GRIN2A: variants seen among roughly 807,000 people sequenced by gnomAD.
GRIN2A encodes glutamate receptor ionotropic, NMDA 2A.
In GRIN2A, 22 loss-of-function variants were observed where a neutral mutation model predicts 113.4. That is an observed-to-expected ratio of 0.19 (90% CI 0.14 to 0.28). The LOEUF (loss-of-function observed/expected upper bound fraction) is 0.28, where lower values mean the gene tolerates loss of function less well. GRIN2A is among the 10% of genes least tolerant of loss of function. GRIN2A has a pLI of 1.00. For missense variants in GRIN2A, 1,502 were observed against 1,887.0 expected (o/e 0.80, Z 3.78); for synonymous variants, 827 against 738.4 (o/e 1.12, Z -1.94).
At chr16:10,116,168 A>G (rs781128739) in intron 2 of GRIN2A, among the ~76,000 whole-genome samples, 1 of 152,226 alleles carries the variant, frequency 6.6e-6, no homozygotes, top group Non-Finnish European at 1.5e-5. Context: ...CGTCCTTTGC[A>G]GGGACATGGA....
chr16:10,015,777 C>T lies in GRIN2A; in HGVS notation c.415-77226G>A, dbSNP rs79305512. ...GGGAGGTGCAACAACTCAGCCCCTG[C>T]AATGAGGCAATTCACCATCAGTGTG... is the stretch of plus-strand genomic sequence containing the variant. On this transcript the variant is annotated intron_variant, in intron 2 of 12. Transcript: ENST00000330684. Among the ~76,000 whole-genome samples, 1,050 of 152,238 alleles carry T rather than the reference C, an allele frequency of 6.9e-3. 12 individuals are homozygous for T. Among genetic ancestry groups the T allele is most frequent in the African/African-American group, 0.024 (990 of 41,548 alleles).
At chr16:9,825,707 A>G (rs964816541) in intron 9 of GRIN2A, among the ~76,000 whole-genome samples, 6 of 152,176 alleles carry the variant, frequency 3.9e-5, no homozygotes, top group Non-Finnish European at 8.8e-5. Context: ...TGATGTGAGC[A>G]GCAAGCAGGT....
intron 2 of GRIN2A, among the ~76,000 whole-genome samples, chr16:9,949,776 A>G (rs2045131171): frequency 6.6e-6 from 1 of 151,984 alleles, no homozygotes; most frequent in African/African-American, 2.4e-5. Flanking sequence ...TGGACAGATG[A>G]ACAGATGGAC....
chr16:10,125,593 G>A (rs146457247), intron 2 of GRIN2A, among the ~76,000 whole-genome samples: 1 of 150,490 alleles, frequency 6.6e-6, no homozygotes, highest in Non-Finnish European at 1.5e-5. Context: ...CAAAGCAATG[G>A]AGCTAAGGCA....
At chr16:10,147,426 A>G (rs974479640) in intron 2 of GRIN2A, among the ~76,000 whole-genome samples, 3 of 139,726 alleles carry the variant, frequency 2.1e-5, no homozygotes, top group African/African-American at 8.0e-5. Context: ...CTTGGGCAAC[A>G]TGGTGAAACA....
intron 4 of GRIN2A, among the ~76,000 whole-genome samples, chr16:9,865,424 T>A (rs544001684): frequency 6.6e-6 from 1 of 152,110 alleles, no homozygotes; most frequent in Admixed American, 6.5e-5. Flanking sequence ...TCAGCATTGC[T>A]TTTCCCACTG....
chr16:10,001,803 C>G (rs1028785848), intron 2 of GRIN2A, among the ~76,000 whole-genome samples: 2 of 152,120 alleles, frequency 1.3e-5, no homozygotes, highest in Non-Finnish European at 2.9e-5. Flanking sequence ...GAAATTATGG[C>G]AGTTACCATA....
intron 2 of GRIN2A, among the ~76,000 whole-genome samples, chr16:10,158,357 A>G (rs1433928528): frequency 6.6e-6 from 1 of 152,146 alleles, no homozygotes; most frequent in African/African-American, 2.4e-5. Context: ...GAGTAGGGGG[A>G]TATCTATCCT....
At chr16:9,888,034 G>A (rs1382382193) in intron 4 of GRIN2A, among the ~76,000 whole-genome samples, 1 of 152,160 alleles carries the variant, frequency 6.6e-6, no homozygotes, top group South Asian at 2.1e-4. Flanking sequence ...TCCACCTCCC[G>A]GATTCAAGTG....
At chr16:9,897,535 T>C (rs1054898523) in intron 3 of GRIN2A, among the ~76,000 whole-genome samples, 2 of 152,198 alleles carry the variant, frequency 1.3e-5, no homozygotes, top group Admixed American at 6.6e-5. Flanking sequence ...TTAGTCTGAA[T>C]TGAAATGTGC....
chr16:10,115,829 T>C (rs1372307366), intron 2 of GRIN2A, among the ~76,000 whole-genome samples: 3 of 152,138 alleles, frequency 2.0e-5, no homozygotes, highest in East Asian at 1.9e-4. Flanking sequence ...TTTTTTTTTG[T>C]TTTAAGAATG....
intron 11 of GRIN2A, among the ~76,000 whole-genome samples, chr16:9,786,582 T>G (rs1220996706): frequency 6.6e-6 from 1 of 152,138 alleles, no homozygotes; most frequent in African/African-American, 2.4e-5. Context: ...CTACCTGTGT[T>G]TAAATCACAG....
intron 2 of GRIN2A, among the ~76,000 whole-genome samples, chr16:10,024,548 G>C (rs1354520969): frequency 6.6e-6 from 1 of 152,228 alleles, no homozygotes; most frequent in Admixed American, 6.5e-5. Flanking sequence ...GCAAAACTAT[G>C]TTTCAGTCTC....
chr16:10,092,014 A>C (rs1331468027), intron 2 of GRIN2A, among the ~76,000 whole-genome samples: 2 of 152,216 alleles, frequency 1.3e-5, no homozygotes, highest in Non-Finnish European at 2.9e-5. Context: ...TTTTATGATA[A>C]GTAAATTATA....
chr16:9,815,154 G>A (rs904531134), intron 10 of GRIN2A, among the ~76,000 whole-genome samples: 1 of 151,994 alleles, frequency 6.6e-6, no homozygotes, highest in Non-Finnish European at 1.5e-5. Flanking sequence ...ACACATACAC[G>A]GAGATGGGAC....
intron 2 of GRIN2A, among the ~76,000 whole-genome samples, chr16:9,962,098 T>C (rs529076150): frequency 6.6e-6 from 1 of 152,264 alleles, no homozygotes; most frequent in South Asian, 2.1e-4. Flanking sequence ...TTACACCTTA[T>C]ACAAAAATTA....
chr16:10,076,954 G>A (rs2047884249), intron 2 of GRIN2A, among the ~76,000 whole-genome samples: 1 of 152,178 alleles, frequency 6.6e-6, no homozygotes, highest in South Asian at 2.1e-4. Context: ...TCTTCAGAGG[G>A]GAATTTATCC....
intron 10 of GRIN2A, among the ~76,000 whole-genome samples, chr16:9,821,463 G>A (rs185940678): frequency 1.8e-3 from 274 of 152,180 alleles, no homozygotes; most frequent in African/African-American, 5.9e-3. Context: ...TAGGACAGAC[G>A]TCTCCATTGT....
chr16:9,868,453 G>A (rs1035712196), intron 4 of GRIN2A, among the ~76,000 whole-genome samples: 9 of 152,098 alleles, frequency 5.9e-5, no homozygotes, highest in African/African-American at 1.9e-4. Context: ...TTTTAGTAGA[G>A]ATGGGGTTTT....
Sources: allele counts gnomAD v4.1 joint callset (sites outside exome capture counted in the v4.1 genomes callset), GRCh38; gene constraint gnomAD v4.1.1; transcripts MANE v1.5; gene names NCBI Gene and HGNC (gene_info 2026-07-23, HGNC 2026-07-21).